The following RUNX1 variants were observed in gnomAD, a reference collection of about 807,000 sequenced individuals.
RUNX1 encodes the protein RUNX family transcription factor 1, also known as runt-related transcription factor 1.
Under a neutral mutation model 42.8 loss-of-function variants are expected in RUNX1, and 19 were observed. That is an observed-to-expected ratio of 0.44 (90% CI 0.31 to 0.65). RUNX1 has a LOEUF of 0.65. RUNX1 is among the 30% of genes least tolerant of loss of function. RUNX1 has a pLI of 0.07. For missense variants in RUNX1, 528 were observed against 672.0 expected (o/e 0.79, Z 2.37); for synonymous variants, 271 against 289.4 (o/e 0.94, Z 0.64).
Position 34,993,320 on chromosome 21 carries a change from C to G in RUNX1, c.58+55522G>C, listed in dbSNP as rs555239072. Among the ~76,000 whole-genome samples the G allele has an allele frequency of 3.9e-5, 6 of 152,158 alleles. No individual in the cohort carries two copies. The South Asian group carries it at 1.2e-3, about 32-fold the overall frequency. On this transcript the variant is annotated intron_variant, in intron 2 of 8. Coordinates refer to ENST00000675419, the MANE Select transcript of RUNX1 (RefSeq NM_001754.5). Reference sequence around the variant, plus strand: ...GGTAAGGTAAGATGTAGGGTAGAAACCATTATCTTAAAAAAAGAGCAACTT... The same window carrying G: ...GGTAAGGTAAGATGTAGGGTAGAAAGCATTATCTTAAAAAAAGAGCAACTT...
At chr21:35,026,118 T>C (rs1464923491) in intron 2 of RUNX1, among the ~76,000 whole-genome samples, 1 of 152,214 alleles carries the variant, frequency 6.6e-6, no homozygotes, top group East Asian at 1.9e-4. Flanking sequence ...GATGTCCTTT[T>C]TAGGAGTGCT....
In RUNX1 at chr21:34,976,760, T is replaced by C. The variant is rs971546847; in HGVS notation, c.58+72082A>G. 2.6e-5 allele frequency among the ~76,000 whole-genome samples: 4 copies of C among 152,180 alleles called. No homozygotes were observed. The South Asian group carries it at 8.3e-4, about 32-fold the overall frequency. On this transcript the variant is annotated intron_variant, in intron 2 of 8. Coordinates refer to ENST00000675419, the MANE Select transcript of RUNX1 (RefSeq NM_001754.5). Reference sequence around the variant, plus strand: ...TGCTAGAGCACCATGATCAGTTACATGTTGGTTATTATACGTCCCTTAGGC... The same window carrying C: ...TGCTAGAGCACCATGATCAGTTACACGTTGGTTATTATACGTCCCTTAGGC...
At chr21:34,849,727 T>C (rs925899094) in intron 6 of RUNX1, among the ~76,000 whole-genome samples, 1 of 150,632 alleles carries the variant, frequency 6.6e-6, no homozygotes, top group Non-Finnish European at 1.5e-5. Context: ...TTACCCTTTC[T>C]GTATTGCCAA....
chr21:34,979,142 G>A (rs1412937717), intron 2 of RUNX1, among the ~76,000 whole-genome samples: 1 of 152,178 alleles, frequency 6.6e-6, no homozygotes, highest in Non-Finnish European at 1.5e-5. Flanking sequence ...AAGTCTGGAG[G>A]ATGCTGCATA....
Position 34,790,949 on chromosome 21 carries a change from C to T in RUNX1, c.*1186G>A, listed in dbSNP as rs529351449. The T allele has an allele frequency of 8.6e-6, 2 of 233,554 alleles. No homozygotes were observed. The highest frequency in any genetic ancestry group is 1.7e-5 in the Non-Finnish European group (2 of 118,058). 14.5% of individuals were successfully genotyped at this position (233,554 alleles called of 1,614,324 possible). On this transcript the variant is annotated 3_prime_UTR_variant, in exon 9 of 9. Transcript: ENST00000675419. ...GGTGAGCAAATCCCTGGGCAGAAATCAAATCCTCTCCAAAGATGTAATTAT... is the reference window on the plus strand; with the variant it reads ...GGTGAGCAAATCCCTGGGCAGAAATTAAATCCTCTCCAAAGATGTAATTAT...
At chr21:34,860,241 CCA>C (rs2057553737) in intron 5 of RUNX1, among the ~76,000 whole-genome samples, 5 of 152,168 alleles carry the variant, frequency 3.3e-5, no homozygotes, top group African/African-American at 1.2e-4. Flanking sequence ...CACAAAATTT[CCA>C]TTACACATTT....
chr21:34,927,535 A>C (rs1255331398), intron 2 of RUNX1, among the ~76,000 whole-genome samples: 1 of 152,114 alleles, frequency 6.6e-6, no homozygotes, highest in African/African-American at 2.4e-5. Context: ...GCAGGGGGCT[A>C]CTCATTTCTC....
In RUNX1 at chr21:34,855,915, C is replaced by T. The variant is rs189956546; in HGVS notation, c.613+3559G>A. Among the ~76,000 whole-genome samples the T allele has an allele frequency of 2.7e-4, 41 of 152,256 alleles. No homozygotes were observed. In the Middle Eastern group the frequency reaches 0.014, roughly 51 times the overall value. ...AGGATACCTTTTGATGGTGCTCTTG[C>T]TCCATGATAAAGTTAATTTTTCAAC... On this transcript the variant is annotated intron_variant, in intron 6 of 8. Coordinates refer to ENST00000675419, the MANE Select transcript of RUNX1 (RefSeq NM_001754.5).
At chr21:34,813,724 A>G (rs1448839432) in intron 7 of RUNX1, among the ~76,000 whole-genome samples, 3 of 152,108 alleles carry the variant, frequency 2.0e-5, no homozygotes, top group Non-Finnish European at 4.4e-5. Flanking sequence ...CTTCCTGGGC[A>G]TGAGTCACAT....
intron 2 of RUNX1, among the ~76,000 whole-genome samples, chr21:35,000,386 A>G (rs1028891091): frequency 2.6e-5 from 4 of 151,736 alleles, no homozygotes; most frequent in Non-Finnish European, 5.9e-5. Flanking sequence ...GACTACAGGC[A>G]CCCACCACCA....
rs1229231012 is a variant in RUNX1, at chr21:34,834,595, C to G, written c.620G>C (p.Arg207Pro). 1 of 1,526,606 alleles carries G rather than the reference C, an allele frequency of 6.6e-7. No homozygotes were observed. The allele number at this position is 1,526,606 out of a possible 1,614,324, so 94.6% of individuals were successfully genotyped here. The change falls in exon 7 of 9, where the codon CGG becomes CCG. Residue 207 changes from arginine to proline, a missense_variant. Around this residue, in one of 3 missense-constraint regions of RUNX1, gnomAD observed 83 missense variants for 174.5 expected, o/e 0.48. Coordinates refer to ENST00000675419, the MANE Select transcript of RUNX1 (RefSeq NM_001754.5). ...CTTGGTCTGATCATCTAGTTTCTGC[C>G]GATGTCCTATTGTGGGGAGCAGGGA... ...VDGPREPRRHRQKLDDQTKPG... is the reference protein window; with the variant it reads ...VDGPREPRRHPQKLDDQTKPG...
At chr21:35,042,261 T>G (rs1224565268) in intron 2 of RUNX1, among the ~76,000 whole-genome samples, 1 of 152,220 alleles carries the variant, frequency 6.6e-6, no homozygotes, top group Non-Finnish European at 1.5e-5. Flanking sequence ...ACAATAAATA[T>G]TCACCCTTGG....
intron 7 of RUNX1, among the ~76,000 whole-genome samples, chr21:34,817,742 CACTATGGG>C (rs2056847465): frequency 6.6e-6 from 1 of 152,174 alleles, no homozygotes; most frequent in East Asian, 1.9e-4. Context: ...CTGACTCCTA[CACTATGGG>C]CCTCCACGTC....
chr21:34,864,147 G>A (rs911568807), intron 5 of RUNX1, among the ~76,000 whole-genome samples: 31 of 152,234 alleles, frequency 2.0e-4, no homozygotes, highest in Non-Finnish European at 3.7e-4. Flanking sequence ...TGCCCTCTCT[G>A]TGGCCCCACC....
rs145029085 is a variant in RUNX1 at position 34,911,956 on chromosome 21, C to T, written c.59-18993G>A. On this transcript the variant is annotated intron_variant, in intron 2 of 8. Transcript: ENST00000675419. ...CCCGCTCCCTACCCCTGAACCATCA[C>T]AACTATCATGTCACATGCACGGGTT... is the stretch of plus-strand genomic sequence containing the variant. 4.5e-3 allele frequency among the ~76,000 whole-genome samples: 689 copies of T among 152,130 alleles called. 4 individuals are homozygous for T. Among genetic ancestry groups the T allele is most frequent in the African/African-American group, 0.016 (653 of 41,484 alleles).
At chr21:34,815,656 G>A (rs2056815519) in intron 7 of RUNX1, among the ~76,000 whole-genome samples, 1 of 152,190 alleles carries the variant, frequency 6.6e-6, no homozygotes, top group Non-Finnish European at 1.5e-5. Context: ...GCACACCAAG[G>A]AAGGAGGAAG....
intron 2 of RUNX1, among the ~76,000 whole-genome samples, chr21:34,916,285 A>G (rs1370263148): frequency 6.6e-6 from 1 of 152,192 alleles, no homozygotes; most frequent in Admixed American, 6.5e-5. Flanking sequence ...CCTGATCATT[A>G]ATATACTCTA....
chr21:34,792,651 G>C lies in RUNX1; in HGVS notation c.968-41C>G. ...GAGAACGGAGCGGAAGTGAGTAGGA[G>C]GTTGCGGAGGCCACAGCTCTTCCCT... is the stretch of plus-strand genomic sequence containing the variant. On this transcript the variant is annotated intron_variant, in intron 8 of 8. Transcript: ENST00000675419. The surrounding 1 kb of genome is among the most constrained non-coding windows in gnomAD (Gnocchi z 6.9). 2.0e-6 allele frequency: 3 copies of C among 1,519,774 alleles called. No homozygotes were observed. The highest frequency in any genetic ancestry group is 2.7e-6 in the Non-Finnish European group (3 of 1,126,992). 94.1% of individuals were successfully genotyped at this position (1,519,774 alleles called of 1,614,324 possible). A position where few individuals can be genotyped will look rare whatever the true frequency, so the allele number is the denominator to read the frequency against.
At chr21:34,809,133 G>A (rs2145945969) in intron 7 of RUNX1, among the ~76,000 whole-genome samples, 1 of 152,228 alleles carries the variant, frequency 6.6e-6, no homozygotes, top group East Asian at 1.9e-4. Flanking sequence ...TTCCAGGCCT[G>A]AAGGAGCTCT....
Sources: allele counts gnomAD v4.1 joint callset (sites outside exome capture counted in the v4.1 genomes callset), GRCh38; gene constraint gnomAD v4.1.1; regional missense constraint gnomAD v4.1.1; non-coding constraint Gnocchi (gnomAD v3.1); transcripts MANE v1.5; gene names NCBI Gene and HGNC (gene_info 2026-07-23, HGNC 2026-07-21).